The following PGD variants were observed in gnomAD, a reference collection of about 807,000 sequenced individuals.
PGD encodes phosphogluconate dehydrogenase.
Under a neutral mutation model 60.4 loss-of-function variants are expected in PGD, and 21 were observed. That is an observed-to-expected ratio of 0.35 (90% CI 0.25 to 0.50). PGD has a LOEUF of 0.50. Ranked by LOEUF, PGD falls within the 20% of genes least tolerant of loss-of-function variation. The probability of loss-of-function intolerance (pLI) is 0.98; values close to 1 mark genes in which losing one functional copy is unlikely to be tolerated. For synonymous variants in PGD, 230 were observed against 235.9 expected (o/e 0.97, Z 0.23); for missense variants, 477 against 613.1 (o/e 0.78, Z 2.34).
rs1176145729 is a variant in PGD, at chr1:10,417,411, A to G, written c.1011A>G (p.Gln337=). Residue 337 remains glutamine, a synonymous_variant, in exon 10 of 13, where the codon CAA becomes CAG. Coordinates refer to ENST00000270776, the MANE Select transcript of PGD (RefSeq NM_002631.4). ...CTTCCAAGATCATCTCTTACGCTCA[A>G]GGCTTTATGCTGCTAAGGCAGGCAG... ...LYASKIISYA[Q]GFMLLRQAAT... 6.2e-7 allele frequency: 1 copy of G among 1,613,702 alleles called. No homozygotes were observed. Among genetic ancestry groups the G allele is most frequent in the Non-Finnish European group, 8.5e-7 (1 of 1,179,860 alleles).
intron 7 of PGD, 57 bp from the exon 8 acceptor site, chr1:10,413,005 C>A: frequency 6.8e-7 from 1 of 1,467,908 alleles, no homozygotes; most frequent in South Asian, 1.2e-5. Context: ...GGACAAGGGG[C>A]TTCCTTGCTC....
At chr1:10,413,845 C>T (rs138581801) in intron 8 of PGD, among the ~76,000 whole-genome samples, 60 of 151,680 alleles carry the variant, frequency 4.0e-4, no homozygotes, top group Admixed American at 2.0e-3. Flanking sequence ...GCAGAGTTTG[C>T]AGTGAGCTGA....
intron 8 of PGD, among the ~76,000 whole-genome samples, chr1:10,414,064 A>C (rs1639551629): frequency 6.6e-6 from 1 of 152,208 alleles, no homozygotes; most frequent in African/African-American, 2.4e-5. Flanking sequence ...CCCTCCAAAA[A>C]AAGTTTGCGA....
Position 10,414,920 on chromosome 1 carries a change from A to G in PGD, c.844+1669A>G, listed in dbSNP as rs150711356. The stretch of plus-strand genomic sequence containing the variant: ...AGCCTGACCAACATGGCGAAACCCC[A>G]TCTCTACTAAAAATACGAAAGTTAG... On this transcript the variant is annotated intron_variant, in intron 8 of 12. Transcript: ENST00000270776. Among the ~76,000 whole-genome samples, 611 of 151,494 alleles carry G rather than the reference A, an allele frequency of 4.0e-3. 8 individuals are homozygous for G. The highest frequency in any genetic ancestry group is 0.014 in the African/African-American group (578 of 41,330).
chr1:10,411,218 A>C (rs1446981709), intron 6 of PGD, among the ~76,000 whole-genome samples, 200 bp from the exon 7 acceptor site: 1 of 152,196 alleles, frequency 6.6e-6, no homozygotes, highest in Non-Finnish European at 1.5e-5. Context: ...AATTAGTGTT[A>C]AATAATATTG....
At chr1:10,406,603 C>A (rs1639409491) in intron 5 of PGD, among the ~76,000 whole-genome samples, 1 of 152,162 alleles carries the variant, frequency 6.6e-6, no homozygotes, top group South Asian at 2.1e-4. Context: ...TCTGCGGTTT[C>A]CGGTGTGGCT....
intron 2 of PGD, chr1:10,400,086 A>G (rs1319384741): frequency 2.2e-6 from 1 of 459,842 alleles, no homozygotes; most frequent in Non-Finnish European, 3.9e-6. Flanking sequence ...CAGGATGATC[A>G]ATAACAACAG....
At chr1:10,405,529 C>T (rs1639387819) in intron 5 of PGD, among the ~76,000 whole-genome samples, 4 of 147,578 alleles carry the variant, frequency 2.7e-5, no homozygotes, top group Admixed American at 6.7e-5. Flanking sequence ...CGTGAGCCAC[C>T]GTGCCTGGTC....
At chr1:10,406,001 C>T (rs1482519834) in intron 5 of PGD, among the ~76,000 whole-genome samples, 2 of 151,942 alleles carry the variant, frequency 1.3e-5, no homozygotes, top group Admixed American at 6.6e-5. Context: ...CTACAGGCAC[C>T]CACGACCACG....
intron 8 of PGD, among the ~76,000 whole-genome samples, chr1:10,413,904 C>CA (rs35827044): frequency 0.15 from 19,143 of 127,276 alleles, 1,373 homozygotes; most frequent in African/African-American, 0.19. Context: ...GACTTCGTCT[C>CA]AAAAAAAAAA....
chr1:10,399,420 C>G (rs1639271045), intron 1 of PGD: 2 of 456,902 alleles, frequency 4.4e-6, no homozygotes, highest in Non-Finnish European at 7.4e-6. Flanking sequence ...GGACGCGTGC[C>G]AGCGGGAGCC....
chr1:10,402,345 C>T (rs544054710), intron 3 of PGD, among the ~76,000 whole-genome samples: 1 of 151,998 alleles, frequency 6.6e-6, no homozygotes, highest in South Asian at 2.1e-4. Context: ...GTTGGGATTA[C>T]AGGTGTGAGC....
At chr1:10,404,592 T>G (rs1177412782) in intron 5 of PGD, among the ~76,000 whole-genome samples, 1 of 151,906 alleles carries the variant, frequency 6.6e-6, no homozygotes, top group African/African-American at 2.4e-5. Flanking sequence ...CCCCGTCTCC[T>G]GGGCTCAAGC....
At position 10,400,051 on chromosome 1, in the gene PGD, C is replaced by T. The variant is rs1639289556; in HGVS notation, c.85-342C>T. 6.7e-6 allele frequency: 3 copies of T among 449,818 alleles called. No individual in the cohort carries two copies. The South Asian group carries it at 9.0e-5, about 13-fold the overall frequency. 27.9% of individuals were successfully genotyped at this position (449,818 alleles called of 1,614,324 possible). On this transcript the variant is annotated intron_variant, in intron 2 of 12. Transcript: ENST00000270776. ...TCTGGGGAGAGTGAAAATGTTTCTT[C>T]TAAATGTTAAAGTGGCTTAGACGCC...
chr1:10,399,635 C>T lies in PGD; in HGVS notation c.15C>T (p.Asp5=), dbSNP rs1325201906. ...TCTGTTTCTGCCTCTCTAGAGCTGACATCGCGCTGATCGGATTGGCCGTCA... is the reference window on the plus strand; with the variant it reads ...TCTGTTTCTGCCTCTCTAGAGCTGATATCGCGCTGATCGGATTGGCCGTCA... MAQA[D]IALIGLAVMG... Residue 5 remains aspartate (D), a synonymous_variant, in exon 2 of 13, where the codon GAC becomes GAT. Transcript: ENST00000270776. 3.7e-6 allele frequency: 6 copies of T among 1,613,810 alleles called. No individual in the cohort carries two copies. The highest frequency in any genetic ancestry group is 1.6e-4 in the Middle Eastern group (1 of 6,062).
intron 2 of PGD, 48 bp downstream of exon 2, chr1:10,399,752 A>C: frequency 1.3e-6 from 2 of 1,532,236 alleles, no homozygotes; most frequent in Non-Finnish European, 1.8e-6. Context: ...CGGGCGCTTT[A>C]GCCGAGGCCG....
At chr1:10,405,230 G>A (rs185574210) in intron 5 of PGD, among the ~76,000 whole-genome samples, 327 of 151,824 alleles carry the variant, frequency 2.2e-3, no homozygotes, top group African/African-American at 7.4e-3. Flanking sequence ...AAAATTAGCC[G>A]GGCATGGTGG....
chr1:10,400,282 G>C, intron 2 of PGD, 111 bp from the exon 3 acceptor site: 1 of 768,216 alleles, frequency 1.3e-6, no homozygotes, highest in Non-Finnish European at 2.2e-6. Flanking sequence ...GGCAAAGGCA[G>C]GTCTGACCTC....
rs561455560 is a variant in PGD, at chr1:10,407,421, G to A, written c.450-650G>A. Among the ~76,000 whole-genome samples the A allele has an allele frequency of 1.6e-4, 24 of 152,318 alleles. 1 individual carries two copies. The highest frequency in any genetic ancestry group is 6.2e-4 in the South Asian group (3 of 4,824). On this transcript the variant is annotated intron_variant, in intron 5 of 12. Coordinates refer to ENST00000270776, the MANE Select transcript of PGD (RefSeq NM_002631.4). Reference sequence around the variant, plus strand: ...GCCGTGATTGTGCCACTGCACTCCAGCCTGGGCAACAGAGTGAGACCCTGT... The same window carrying A: ...GCCGTGATTGTGCCACTGCACTCCAACCTGGGCAACAGAGTGAGACCCTGT...
Sources: allele counts gnomAD v4.1 joint callset (sites outside exome capture counted in the v4.1 genomes callset), GRCh38; gene constraint gnomAD v4.1.1; transcripts MANE v1.5; gene names NCBI Gene and HGNC (gene_info 2026-07-23, HGNC 2026-07-21).